Variants in ACAD9 observed in about 807,000 individuals in gnomAD.
The protein encoded by ACAD9 is acyl-CoA dehydrogenase family member 9.
Under a neutral mutation model 70.2 loss-of-function variants are expected in ACAD9, and 53 were observed. The ratio of observed to expected loss-of-function variants is 0.75; its 90% CI spans 0.61 to 0.95. The LOEUF is 0.95. Among genes scored for constraint, ACAD9 ranks in the 40% least tolerant of loss-of-function variants. The pLI is 0.00. For missense variants in ACAD9, 777 were observed against 802.8 expected (o/e 0.97, Z 0.39); for synonymous variants, 313 against 312.1 (o/e 1.00, Z -0.03).
At chr3:128,888,830 T>G (rs1485331693) in intron 2 of ACAD9, among the ~76,000 whole-genome samples, 1 of 151,946 alleles carries the variant, frequency 6.6e-6, no homozygotes, top group African/African-American at 2.4e-5. Flanking sequence ...TATCTTCCTA[T>G]TTGTATCTTT....
intron 2 of ACAD9, among the ~76,000 whole-genome samples, chr3:128,889,593 G>A (rs945213441): frequency 6.6e-6 from 1 of 152,060 alleles, no homozygotes; most frequent in African/African-American, 2.4e-5. Flanking sequence ...AGATTAGTTC[G>A]TATTTTTTGG....
chr3:128,900,836 A>T (rs1330365135), intron 7 of ACAD9, among the ~76,000 whole-genome samples: 2 of 152,054 alleles, frequency 1.3e-5, no homozygotes, highest in African/African-American at 4.8e-5. Flanking sequence ...TAGAGTTAAG[A>T]ATTGAGACCA....
chr3:128,901,995 G>A (rs1164451755), intron 8 of ACAD9, among the ~76,000 whole-genome samples: 1 of 152,128 alleles, frequency 6.6e-6, no homozygotes, highest in Non-Finnish European at 1.5e-5. Context: ...CTCACATTGC[G>A]TGATGTTTTC....
intron 2 of ACAD9, among the ~76,000 whole-genome samples, chr3:128,893,262 C>T (rs528208720): frequency 6.6e-6 from 1 of 151,956 alleles, no homozygotes; most frequent in East Asian, 1.9e-4. Context: ...AGGCAGGAGG[C>T]TCACTTGAGC....
intron 7 of ACAD9, 42 bp downstream of exon 7, chr3:128,899,503 G>A (rs1305200965): frequency 6.2e-7 from 1 of 1,600,498 alleles, no homozygotes; most frequent in East Asian, 2.2e-5. Context: ...GTGTGTGTAA[G>A]GGGGAGACTG....
At position 128,895,484 on chromosome 3, in the gene ACAD9, G is replaced by A. The variant is rs1935545688; in HGVS notation, c.453+68G>A. 3 of 1,428,526 alleles carry A rather than the reference G, an allele frequency of 2.1e-6. No homozygotes were observed. In the East Asian group the frequency reaches 7.4e-5, roughly 35 times the overall value. The allele number at this position is 1,428,526 out of a possible 1,614,324, so 88.5% of individuals were successfully genotyped here. On this transcript the variant is annotated intron_variant, in intron 4 of 17. Coordinates refer to ENST00000308982, the MANE Select transcript of ACAD9 (RefSeq NM_014049.5). ...TCTGGAGTCACATGGAGGCATAGAG[G>A]CCAGAGGCTTGCTCCCTCTGAATTG...
At chr3:128,879,937 T>C (rs766635714) in intron 1 of ACAD9, 96 bp downstream of exon 1, 1 of 1,597,230 alleles carries the variant, frequency 6.3e-7, no homozygotes, top group Non-Finnish European at 8.5e-7. Context: ...TCCCCAAACC[T>C]GCCAGAGAGA....
chr3:128,881,180 C>T (rs1035101699), intron 1 of ACAD9, among the ~76,000 whole-genome samples: 6 of 152,230 alleles, frequency 3.9e-5, no homozygotes, highest in Admixed American at 2.6e-4. Flanking sequence ...ATGTCTTGAA[C>T]ATATTGGAAA....
At chr3:128,885,658 G>T (rs1935223682) in intron 2 of ACAD9, among the ~76,000 whole-genome samples, 1 of 152,164 alleles carries the variant, frequency 6.6e-6, no homozygotes, top group East Asian at 1.9e-4. Flanking sequence ...CTCCCAAAGG[G>T]CTGGGATTAC....
intron 1 of ACAD9, among the ~76,000 whole-genome samples, chr3:128,883,192 G>A (rs1295862385): frequency 1.3e-5 from 2 of 151,626 alleles, no homozygotes; most frequent in Non-Finnish European, 2.9e-5. Context: ...CAGGCTCAGG[G>A]GATCCTCCCA....
intron 6 of ACAD9, chr3:128,898,380 T>C (rs1359156096): frequency 2.4e-5 from 11 of 451,002 alleles, no homozygotes. Flanking sequence ...AAAGCCGTAA[T>C]ACCCTTATCA....
chr3:128,910,942 G>A (rs1393858442), intron 17 of ACAD9, 129 bp downstream of exon 17: 2 of 1,178,344 alleles, frequency 1.7e-6, no homozygotes, highest in East Asian at 4.7e-5. Flanking sequence ...CCTTGAGCGA[G>A]GGCCTGGGTA....
At chr3:128,896,407 T>G in intron 4 of ACAD9, 29 bp from the exon 5 acceptor site, 2 of 1,602,324 alleles carry the variant, frequency 1.2e-6, no homozygotes, top group Non-Finnish European at 1.7e-6. Flanking sequence ...TCCCCACAGC[T>G]GACATTAGTC....
chr3:128,899,474 T>TGTGCGCGC lies in ACAD9; in HGVS notation c.808+21_808+28dup. 1 of 1,613,430 alleles carries TGTGCGCGC rather than the reference T, an allele frequency of 6.2e-7. No individual in the cohort carries two copies. On this transcript the variant is annotated intron_variant, in intron 7 of 17. Coordinates refer to ENST00000308982, the MANE Select transcript of ACAD9 (RefSeq NM_014049.5). Reference sequence around the variant, plus strand: ...CGGGGCTCCAACAGTAAGTAGCTCCTGTGCGCGCGTGCGCGTGTGTGTGTG... The same window carrying TGTGCGCGC: ...CGGGGCTCCAACAGTAAGTAGCTCCTGTGCGCGCGTGCGCGCGTGCGCGTGTGTGTGTG...
At position 128,910,135 on chromosome 3, in the gene ACAD9, A is replaced by G. The variant is rs752414943; in HGVS notation, c.1678A>G (p.Asn560Asp). ...CCGCTCCATCCGCATTGGGCTCCGC[A>G]ACCACGACCACGAGGTGAGCCCAGC... ...ASRSIRIGLR[N>D]HDHEVLLANT... The change falls in exon 16 of 18, where the codon AAC (asparagine) becomes GAC (aspartate). Residue 560 changes from asparagine (N) to aspartate (D), a missense_variant. Coordinates refer to ENST00000308982, the MANE Select transcript of ACAD9 (RefSeq NM_014049.5). 4.3e-6 allele frequency: 7 copies of G among 1,614,048 alleles called. No individual in the cohort carries two copies. The highest frequency in any genetic ancestry group is 5.9e-6 in the Non-Finnish European group (7 of 1,180,032).
rs56822550 is a variant in ACAD9 at position 128,890,410 on chromosome 3, T to G, written c.245-3145T>G. ...CTGGCCTGTATTTTATTTTAGAAAC[T>G]TTATAGTTTTGGCTGGGCGCAGTGG... On this transcript the variant is annotated intron_variant, in intron 2 of 17. Transcript: ENST00000308982. 1.6e-3 allele frequency among the ~76,000 whole-genome samples: 240 copies of G among 152,122 alleles called. 1 individual carries two copies. The highest frequency in any genetic ancestry group is 5.4e-3 in the African/African-American group (224 of 41,562).
intron 12 of ACAD9, among the ~76,000 whole-genome samples, chr3:128,907,720 G>A (rs1024730171): frequency 2.0e-5 from 3 of 152,212 alleles, no homozygotes; most frequent in Non-Finnish European, 2.9e-5. Context: ...TGGGGGAGTG[G>A]GGAGCATGTG....
intron 17 of ACAD9, among the ~76,000 whole-genome samples, chr3:128,911,531 G>A (rs1936319277): frequency 6.6e-6 from 1 of 152,160 alleles, no homozygotes; most frequent in Non-Finnish European, 1.5e-5. Context: ...TCCACCTCCT[G>A]GGTTCAAGCA....
intron 12 of ACAD9, among the ~76,000 whole-genome samples, 181 bp from the exon 13 acceptor site, chr3:128,908,004 C>G (rs1576347380): frequency 2.0e-5 from 3 of 152,326 alleles, no homozygotes; most frequent in Admixed American, 2.0e-4. Context: ...CTGGTCACCT[C>G]CCTCCTCATC....
Sources: gnomAD v4.1 joint callset for allele counts (sites outside exome capture counted in the v4.1 genomes callset) on GRCh38, gnomAD v4.1.1 for gene constraint, MANE v1.5 for transcripts, NCBI Gene and HGNC (gene_info 2026-07-23, HGNC 2026-07-21) for gene names.